The following TNKS variants were observed in gnomAD, a reference collection of about 807,000 sequenced individuals.
TNKS encodes the protein poly [ADP-ribose] polymerase tankyrase-1.
TNKS carries 72 observed loss-of-function variants against 135.8 expected under a neutral mutation model. The observed-to-expected ratio is 0.53, with a 90% CI of 0.44 to 0.64. TNKS has a LOEUF of 0.64. Ranked by LOEUF, TNKS falls within the 30% of genes least tolerant of loss-of-function variation. The pLI is 0.00. For missense variants in TNKS, 1,769 were observed against 1,674.0 expected (o/e 1.06, Z -0.99); for synonymous variants, 849 against 649.3 (o/e 1.31, Z -4.68).
chr8:9,704,201 A>G (rs898731010), intron 5 of TNKS, among the ~76,000 whole-genome samples: 4 of 152,154 alleles, frequency 2.6e-5, no homozygotes, highest in African/African-American at 7.2e-5. Context: ...ATGTTTTTCA[A>G]TCTTTCCTAT....
rs1648679124 is a variant in TNKS at position 9,752,645 on chromosome 8, A to T, written c.3153+19A>T. 2 of 1,512,550 alleles carry T rather than the reference A, an allele frequency of 1.3e-6. No individual in the cohort carries two copies. Among genetic ancestry groups the T allele is most frequent in the East Asian group, 4.6e-5 (2 of 43,784 alleles). 93.7% of individuals were successfully genotyped at this position (1,512,550 alleles called of 1,614,324 possible). ...AGAACAGGTAAATACTCTTGTATAT[A>T]TTTGAGTCATTTAAATTAAATACTA... is the stretch of plus-strand genomic sequence containing the variant. On this transcript the variant is annotated intron_variant, in intron 20 of 26. Transcript: ENST00000310430.
chr8:9,723,660 T>C (rs995161005), intron 12 of TNKS, among the ~76,000 whole-genome samples: 3 of 152,268 alleles, frequency 2.0e-5, no homozygotes, highest in African/African-American at 7.2e-5. Context: ...ACTAGCTACA[T>C]CTGGCTACAT....
chr8:9,578,035 C>G (rs35656875), intron 1 of TNKS, among the ~76,000 whole-genome samples: 7,311 of 152,250 alleles, frequency 0.048, 192 homozygotes, highest in Middle Eastern at 0.082. Flanking sequence ...TCTTAAAGTT[C>G]CAAAATAATC....
In TNKS at chr8:9,778,683, T is replaced by TC. The variant is rs1179094499; in HGVS notation, c.*1951dup. 6.6e-6 allele frequency: 1 copy of TC among 152,600 alleles called. No individual in the cohort carries two copies. The highest frequency in any genetic ancestry group is 1.5e-5 in the Non-Finnish European group (1 of 68,030). 9.5% of individuals were successfully genotyped at this position (152,600 alleles called of 1,614,324 possible). On this transcript the variant is annotated 3_prime_UTR_variant, in exon 27 of 27. Transcript: ENST00000310430. ...TGATATTCATTAAGAGGGCTTTTTT[T>TC]CCCCTTCTTTCCTTCTCTTTTGCTG...
At chr8:9,717,103 T>TATATATATATATATATATATATATATTTA (rs1554476739) in intron 11 of TNKS, among the ~76,000 whole-genome samples, 15 of 39,316 alleles carry the variant, frequency 3.8e-4, no homozygotes, top group South Asian at 1.7e-3. Context: ...ATATATATAT[T>TATATATATATATATATATATATATATTTA]TTCAGGGAAT....
chr8:9,760,757 C>G (rs1022112187), intron 20 of TNKS, among the ~76,000 whole-genome samples: 1 of 152,106 alleles, frequency 6.6e-6, no homozygotes, highest in Admixed American at 6.5e-5. Context: ...TTTGAGCCAA[C>G]TAATCATCTC....
chr8:9,746,586 T>G (rs1806246794), intron 17 of TNKS, among the ~76,000 whole-genome samples: 1 of 152,206 alleles, frequency 6.6e-6, no homozygotes, highest in Non-Finnish European at 1.5e-5. Flanking sequence ...GTAATTATCT[T>G]TCTGTATTCC....
chr8:9,598,757 G>GTC (rs1563106053), intron 2 of TNKS, among the ~76,000 whole-genome samples: 16 of 66,394 alleles, frequency 2.4e-4, no homozygotes, highest in African/African-American at 8.6e-4. Flanking sequence ...ATATGTATAT[G>GTC]TGTGTGTGTA....
At chr8:9,685,838 T>G (rs189499740) in intron 5 of TNKS, among the ~76,000 whole-genome samples, 4 of 152,254 alleles carry the variant, frequency 2.6e-5, no homozygotes, top group African/African-American at 7.2e-5. Context: ...ATAAACCCCA[T>G]CCAGTGAAGA....
intron 15 of TNKS, 96 bp downstream of exon 15, chr8:9,733,540 A>G: frequency 9.9e-7 from 1 of 1,010,726 alleles, no homozygotes; most frequent in Non-Finnish European, 1.5e-6. Flanking sequence ...TATTAAGAAC[A>G]ATACTGCTGT....
chr8:9,569,003 T>C (rs2129051017), intron 1 of TNKS, among the ~76,000 whole-genome samples: 1 of 152,340 alleles, frequency 6.6e-6, no homozygotes. Flanking sequence ...ATATTCCAAA[T>C]GTTGACACAT....
In TNKS at chr8:9,639,962, A is replaced by G. The variant is rs59039524; in HGVS notation, c.994+24285A>G. Reference sequence around the variant, plus strand: ...TGGGAATTGTGCTTTTACTTACTCAACGAAGGATAATTGTAGAAAAGCATC... The same window carrying G: ...TGGGAATTGTGCTTTTACTTACTCAGCGAAGGATAATTGTAGAAAAGCATC... On this transcript the variant is annotated intron_variant, in intron 3 of 26. Coordinates refer to ENST00000310430, the MANE Select transcript of TNKS (RefSeq NM_003747.3). 8.8e-3 allele frequency among the ~76,000 whole-genome samples: 1,345 copies of G among 152,300 alleles called. 19 individuals are homozygous for G. The highest frequency in any genetic ancestry group is 0.03 in the African/African-American group (1,267 of 41,566).
At chr8:9,716,886 T>C (rs1362483717) in intron 11 of TNKS, among the ~76,000 whole-genome samples, 2 of 151,578 alleles carry the variant, frequency 1.3e-5, no homozygotes, top group Non-Finnish European at 1.5e-5. Context: ...CTGCAGCTGA[T>C]AGGGTCTGTC....
At chr8:9,627,369 T>G (rs940461718) in intron 3 of TNKS, among the ~76,000 whole-genome samples, 1 of 152,158 alleles carries the variant, frequency 6.6e-6, no homozygotes, top group East Asian at 1.9e-4. Context: ...GGAACCCCAA[T>G]TTATAGCTGG....
At chr8:9,754,899 A>G (rs966310856) in intron 20 of TNKS, among the ~76,000 whole-genome samples, 1 of 152,218 alleles carries the variant, frequency 6.6e-6, no homozygotes, top group Non-Finnish European at 1.5e-5. Context: ...CCTAAATAGT[A>G]AGACTGCTTC....
At chr8:9,672,681 T>TACACACAC (rs60210743) in intron 3 of TNKS, among the ~76,000 whole-genome samples, 61 of 84,674 alleles carry the variant, frequency 7.2e-4, no homozygotes, top group Non-Finnish European at 1.2e-3. Context: ...AAAAAACACA[T>TACACACAC]ACACACACAC....
chr8:9,636,618 T>A (rs994806777), intron 3 of TNKS, among the ~76,000 whole-genome samples: 2 of 152,202 alleles, frequency 1.3e-5, no homozygotes, highest in Non-Finnish European at 2.9e-5. Context: ...CTTTCTATCT[T>A]GTTCTGAAGA....
chr8:9,692,757 C>T (rs1397301162), intron 5 of TNKS, among the ~76,000 whole-genome samples: 1 of 152,104 alleles, frequency 6.6e-6, no homozygotes, highest in East Asian at 1.9e-4. Context: ...ATTTATTTTC[C>T]ACAAGGTTTC....
At chr8:9,647,908 C>G (rs1800976593) in intron 3 of TNKS, among the ~76,000 whole-genome samples, 2 of 152,160 alleles carry the variant, frequency 1.3e-5, no homozygotes, top group East Asian at 1.9e-4. Flanking sequence ...ATGGTATAGC[C>G]TGTTGCTCCT....
Sources: allele counts gnomAD v4.1 joint callset (sites outside exome capture counted in the v4.1 genomes callset), GRCh38; gene constraint gnomAD v4.1.1; transcripts MANE v1.5; gene names NCBI Gene and HGNC (gene_info 2026-07-23, HGNC 2026-07-21).